Variants in AMOTL1 observed in about 807,000 individuals in gnomAD.
AMOTL1 encodes angiomotin like 1.
Under a neutral mutation model 102.9 loss-of-function variants are expected in AMOTL1, and 45 were observed. The ratio of observed to expected loss-of-function variants is 0.44; its 90% CI spans 0.34 to 0.56. The LOEUF (loss-of-function observed/expected upper bound fraction) is 0.56, where lower values mean the gene tolerates loss of function less well. Ranked by LOEUF, AMOTL1 falls within the 20% of genes least tolerant of loss-of-function variation. The pLI is 0.01. For synonymous variants in AMOTL1, 481 were observed against 484.7 expected, an observed-to-expected ratio of 0.99 and a Z score of 0.10; for missense variants, 1,114 against 1,225.6, an observed-to-expected ratio of 0.91 and a Z score of 1.36.
chr11:94,794,876 A>G lies in AMOTL1; in HGVS notation c.50-135A>G, dbSNP rs904107992. 5 of 1,014,066 alleles carry G rather than the reference A, an allele frequency of 4.9e-6. No homozygotes were observed. In the Admixed American group the frequency reaches 8.9e-5, roughly 18 times the overall value. The allele number at this position is 1,014,066 out of a possible 1,614,324, so 62.8% of individuals were successfully genotyped here. A position where few individuals can be genotyped will look rare whatever the true frequency, so the allele number is the denominator to read the frequency against. On this transcript the variant is annotated intron_variant, in intron 1 of 12. Coordinates refer to ENST00000433060, the MANE Select transcript of AMOTL1 (RefSeq NM_130847.3). ...TTCTGAATAGTAACTTTGGAATTTTATGAATCAAAAAGAAAGAGCTCCCTC... is the reference window on the plus strand; with the variant it reads ...TTCTGAATAGTAACTTTGGAATTTTGTGAATCAAAAAGAAAGAGCTCCCTC...
At chr11:94,815,657 CTCAT>C (rs1244567472) in intron 3 of AMOTL1, among the ~76,000 whole-genome samples, 1 of 151,826 alleles carries the variant, frequency 6.6e-6, no homozygotes, top group Admixed American at 6.6e-5. Context: ...TAATATTTGT[CTCAT>C]TCAAAGTTTA....
chr11:94,848,554 A>G lies in AMOTL1; in HGVS notation c.1649-1560A>G, dbSNP rs558957872. On this transcript the variant is annotated intron_variant, in intron 6 of 12. Coordinates refer to ENST00000433060, the MANE Select transcript of AMOTL1 (RefSeq NM_130847.3). ...TCGACAATGCAAGGGTTGTGCAGTC[A>G]AGAAGGAAGGACATTGTACTGGGAC... Among the ~76,000 whole-genome samples the G allele has an allele frequency of 2.9e-4, 44 of 152,316 alleles. 1 individual carries two copies. The highest frequency in any genetic ancestry group is 3.4e-3 in the Middle Eastern group (1 of 294).
At chr11:94,768,800 G>T (rs1187799261) in intron 1 of AMOTL1, among the ~76,000 whole-genome samples, 1 of 152,090 alleles carries the variant, frequency 6.6e-6, no homozygotes, top group East Asian at 1.9e-4. Flanking sequence ...GACTGAAGTT[G>T]TGGCCCCGGG....
Position 94,795,068 on chromosome 11 carries a change from C to T in AMOTL1, c.107C>T (p.Thr36Ile), listed in dbSNP as rs759557645. The T allele has an allele frequency of 3.1e-6, 5 of 1,613,852 alleles. No homozygotes were observed. The Admixed American group carries it at 8.3e-5, about 27-fold the overall frequency. Residue 36 changes from threonine to isoleucine, a missense_variant, in exon 2 of 13, where the codon ACC (threonine) becomes ATC (isoleucine). Coordinates refer to ENST00000433060, the MANE Select transcript of AMOTL1 (RefSeq NM_130847.3). ...SSPVQVLEDSTYFSPDFQLYS... is the reference protein window; with the variant it reads ...SSPVQVLEDSIYFSPDFQLYS... ...CCTGTCCAGGTTCTAGAAGACTCCA[C>T]CTACTTTTCCCCAGACTTTCAGCTC...
At chr11:94,740,525 G>T (rs7945977) in intron 2 of AMOTL1, among the ~76,000 whole-genome samples, 16,336 of 151,580 alleles carry the variant, frequency 0.11, 1,813 homozygotes, top group East Asian at 0.27. Flanking sequence ...GCGCGCCCTC[G>T]GGCCCCCGGG....
intron 1 of AMOTL1, among the ~76,000 whole-genome samples, chr11:94,774,117 C>G (rs541118502): frequency 1.3e-4 from 20 of 152,164 alleles, no homozygotes; most frequent in Non-Finnish European, 2.8e-4. Flanking sequence ...ACTAAAACAG[C>G]AGAGAAGCAA....
intron 1 of AMOTL1, among the ~76,000 whole-genome samples, chr11:94,712,224 T>TG (rs779446021): frequency 3.9e-5 from 6 of 152,020 alleles, no homozygotes; most frequent in Non-Finnish European, 8.8e-5. Context: ...CATGTTATCA[T>TG]CTGTATTTCC....
chr11:94,835,461 C>A lies in AMOTL1; in HGVS notation c.1648+3920C>A, dbSNP rs369468509. Reference sequence around the variant, plus strand: ...GGAAACTTTTTAAAACTGTTTCTTTCGAAAATGGATAGCGCTGCAGAATTC... The same window carrying A: ...GGAAACTTTTTAAAACTGTTTCTTTAGAAAATGGATAGCGCTGCAGAATTC... On this transcript the variant is annotated intron_variant, in intron 6 of 12. Transcript: ENST00000433060. Among the ~76,000 whole-genome samples the A allele has an allele frequency of 2.0e-5, 3 of 152,042 alleles. No individual in the cohort carries two copies. The East Asian group carries it at 5.8e-4, about 29-fold the overall frequency.
chr11:94,737,230 G>T lies in AMOTL1; in HGVS notation c.86-3708G>T, dbSNP rs143452671. Among the ~76,000 whole-genome samples, 843 of 152,342 alleles carry T rather than the reference G, an allele frequency of 5.5e-3. 4 individuals carry two copies. The highest frequency in any genetic ancestry group is 0.017 in the Middle Eastern group (5 of 294). ...AGCACTGGCAACGCTCTTCATAGGG[G>T]TAAACCTGTTGCCAGCTCCAAGTAA... On this transcript the variant is annotated intron_variant, in intron 2 of 4. Transcript: ENST00000299004.
rs1419398239 is a variant in AMOTL1 at position 94,845,006 on chromosome 11, GCT to G, written c.1649-5107_1649-5106del. On this transcript the variant is annotated intron_variant, in intron 6 of 12. Transcript: ENST00000433060. Reference sequence around the variant, plus strand: ...GTAGGAAGTGCTGGCTTACAGGTTTGCTGTCCTCAGAAGCCCCAGCCATAAGT... The same window carrying G: ...GTAGGAAGTGCTGGCTTACAGGTTTGGTCCTCAGAAGCCCCAGCCATAAGT... 2.3e-4 allele frequency among the ~76,000 whole-genome samples: 35 copies of G among 152,304 alleles called. No homozygotes were observed. The East Asian group carries it at 6.0e-3, about 26-fold the overall frequency.
At chr11:94,853,195 C>T (rs1278406055) in intron 7 of AMOTL1, among the ~76,000 whole-genome samples, 2 of 151,736 alleles carry the variant, frequency 1.3e-5, no homozygotes, top group Non-Finnish European at 2.9e-5. Flanking sequence ...AGATTTGTTA[C>T]ATAGGTCTAC....
At chr11:94,752,991 T>C (rs1477215773) in intron 3 of AMOTL1, among the ~76,000 whole-genome samples, 2 of 152,218 alleles carry the variant, frequency 1.3e-5, no homozygotes, top group Non-Finnish European at 2.9e-5. Context: ...GCCAGAGAGT[T>C]AGACTTTAGG....
chr11:94,840,872 C>G (rs1310145042), intron 6 of AMOTL1, among the ~76,000 whole-genome samples: 1 of 151,736 alleles, frequency 6.6e-6, no homozygotes, highest in African/African-American at 2.4e-5. Context: ...GTAAAATTTA[C>G]ACACTTAAAT....
At chr11:94,824,235 C>A (rs1951921408) in intron 4 of AMOTL1, among the ~76,000 whole-genome samples, 2 of 152,180 alleles carry the variant, frequency 1.3e-5, no homozygotes, top group African/African-American at 4.8e-5. Flanking sequence ...AATTGTTCTA[C>A]AAGTACAGTA....
Position 94,821,566 on chromosome 11 carries a change from G to A in AMOTL1, c.1158G>A (p.Gln386=), listed in dbSNP as rs1951866085. The A allele has an allele frequency of 1.2e-6, 2 of 1,613,740 alleles. No individual in the cohort carries two copies. The highest frequency in any genetic ancestry group is 1.3e-5 in the African/African-American group (1 of 74,922). ...PCQLPFPSTM[Q]QHSPMSSQTS... ...AACTTCCGTTCCCATCAACCATGCA[G>A]CAGCACAGCCCCATGTCCTCCCAGA... is the stretch of plus-strand genomic sequence containing the variant. Residue 386 remains glutamine, a synonymous_variant, in exon 4 of 13, where the codon CAG becomes CAA. Transcript: ENST00000433060.
At chr11:94,713,378 T>C (rs1345486290) in intron 1 of AMOTL1, among the ~76,000 whole-genome samples, 1 of 151,966 alleles carries the variant, frequency 6.6e-6, no homozygotes, top group African/African-American at 2.4e-5. Context: ...TTACTTTCCA[T>C]ATAAACTTTA....
chr11:94,785,132 C>T (rs907343072), intron 1 of AMOTL1, among the ~76,000 whole-genome samples: 6 of 152,156 alleles, frequency 3.9e-5, no homozygotes, highest in African/African-American at 7.2e-5. Context: ...GGTTCTGGAT[C>T]CTTCTCTGCC....
chr11:94,727,048 C>G (rs898861045), intron 1 of AMOTL1, among the ~76,000 whole-genome samples: 1 of 152,068 alleles, frequency 6.6e-6, no homozygotes, highest in Non-Finnish European at 1.5e-5. Flanking sequence ...CTCACACATC[C>G]ATATCATCTT....
At chr11:94,802,759 C>G (rs1951500329) in intron 3 of AMOTL1, among the ~76,000 whole-genome samples, 1 of 152,200 alleles carries the variant, frequency 6.6e-6, no homozygotes, top group African/African-American at 2.4e-5. Flanking sequence ...GTGGTGCAGC[C>G]CTTGGCTGAC....
Sources: allele counts gnomAD v4.1 joint callset (sites outside exome capture counted in the v4.1 genomes callset), GRCh38; gene constraint gnomAD v4.1.1; transcripts MANE v1.5; gene names NCBI Gene and HGNC (gene_info 2026-07-23, HGNC 2026-07-21).